The following CYP4F3 variants were observed in gnomAD, a reference collection of about 807,000 sequenced individuals.
CYP4F3 encodes cytochrome P450 4F3.
In CYP4F3, 50 loss-of-function variants were observed where a neutral mutation model predicts 54.8. That is an observed-to-expected ratio of 0.91 (90% CI 0.73 to 1.16). The LOEUF (loss-of-function observed/expected upper bound fraction) is 1.16. Ranked by LOEUF, CYP4F3 falls within the 50% of genes most tolerant of loss-of-function variation. CYP4F3 has a pLI of 0.00. For synonymous variants in CYP4F3, 244 were observed against 262.6 expected, an observed-to-expected ratio of 0.93 and a Z score of 0.69; for missense variants, 715 against 676.2, an observed-to-expected ratio of 1.06 and a Z score of -0.64.
Position 15,662,702 on chromosome 19 carries a change from G to A in CYP4F3, c.*3317G>A, listed in dbSNP as rs1397189331. Reference sequence around the variant, plus strand: ...TACCCCTGTATTTATTTGTTTTCTTGAATTTCTTTTATCATTGTTTTGTAG... The same window carrying A: ...TACCCCTGTATTTATTTGTTTTCTTAAATTTCTTTTATCATTGTTTTGTAG... On this transcript the variant is annotated 3_prime_UTR_variant, in exon 13 of 13. Transcript: ENST00000221307. 6.6e-6 allele frequency: 1 copy of A among 152,060 alleles called. No individual in the cohort carries two copies. The highest frequency in any genetic ancestry group is 1.5e-5 in the Non-Finnish European group (1 of 67,988). 9.4% of individuals were successfully genotyped at this position (152,060 alleles called of 1,614,324 possible). A position where few individuals can be genotyped will look rare whatever the true frequency, so the allele number is the denominator to read the frequency against.
chr19:15,644,592 T>TGAG (rs4019758), intron 2 of CYP4F3, among the ~76,000 whole-genome samples: 69,725 of 151,900 alleles, frequency 0.46, 17,275 homozygotes, highest in East Asian at 0.68. Flanking sequence ...GTTAGAACAA[T>TGAG]GAGGACTTGT....
intron 9 of CYP4F3, among the ~76,000 whole-genome samples, chr19:15,655,467 AT>A (rs1199648231): frequency 4.6e-5 from 7 of 152,196 alleles, no homozygotes; most frequent in African/African-American, 1.7e-4. Context: ...TAAAACCAAG[AT>A]TTCAAGCAAA....
At chr19:15,658,842 G>A (rs1163380945) in intron 12 of CYP4F3, 33 bp downstream of exon 12, 3 of 1,611,658 alleles carry the variant, frequency 1.9e-6, no homozygotes, top group Non-Finnish European at 2.5e-6. Flanking sequence ...GCGGGGACGG[G>A]GAGATAGGTG....
chr19:15,658,841 G>C, intron 12 of CYP4F3, 32 bp downstream of exon 12: 1 of 1,612,074 alleles, frequency 6.2e-7, no homozygotes, highest in Non-Finnish European at 8.5e-7. Context: ...GGCGGGGACG[G>C]GGAGATAGGT....
Position 15,645,784 on chromosome 19 carries a change from C to A in CYP4F3, c.264C>A (p.Cys88Ter). The change falls in exon 3 of 13, where the codon TGC becomes TGA. Residue 88 changes from cysteine (C) to a stop codon, truncating the protein, a stop_gained. Transcript: ENST00000221307. LOFTEE classifies it high-confidence loss of function. ...TGGCATGCACCTTCGGTGATATGTGCTGCTGGTGGGTGGGGCCCTGGCACG... is the reference window on the plus strand; with the variant it reads ...TGGCATGCACCTTCGGTGATATGTGATGCTGGTGGGTGGGGCCCTGGCACG... ...QSLACTFGDM[C>*]CWWVGPWHAI... The A allele has an allele frequency of 6.2e-7, 1 of 1,614,174 alleles. No homozygotes were observed. The highest frequency in any genetic ancestry group is 8.5e-7 in the Non-Finnish European group (1 of 1,179,992).
chr19:15,649,700 G>T (rs1445047613), intron 6 of CYP4F3, among the ~76,000 whole-genome samples: 1 of 152,124 alleles, frequency 6.6e-6, no homozygotes, highest in East Asian at 1.9e-4. Context: ...GTGCCTAGCT[G>T]CATGGAGGCA....
rs1568397470 is a variant in CYP4F3, at chr19:15,650,668, C to CTTTCTTTCTTTCTTTCTTTCTTTCTTT, written c.918+486_918+512dup. 8.7e-3 allele frequency among the ~76,000 whole-genome samples: 172 copies of CTTTCTTTCTTTCTTTCTTTCTTTCTTT among 19,872 alleles called. 9 individuals carry two copies. The highest frequency in any genetic ancestry group is 0.028 in the African/African-American group (82 of 2,952). The allele number at this position is 19,872 out of a possible 152,430, so 13.0% of individuals were successfully genotyped here. On this transcript the variant is annotated intron_variant, in intron 7 of 12. Transcript: ENST00000221307. Reference sequence around the variant, plus strand: ...CTCCCTCCCTGCCTTCTTTTTCTTTCTTTCTTTCTTTCTTTCTTTCTTTCT... The same window carrying CTTTCTTTCTTTCTTTCTTTCTTTCTTT: ...CTCCCTCCCTGCCTTCTTTTTCTTTCTTTCTTTCTTTCTTTCTTTCTTTCTTTTTTCTTTCTTTCTTTCTTTCTTTCT...
At chr19:15,643,324 A>G (rs1232517978) in intron 2 of CYP4F3, among the ~76,000 whole-genome samples, 2 of 143,614 alleles carry the variant, frequency 1.4e-5, no homozygotes, top group African/African-American at 5.3e-5. Flanking sequence ...TTAGATAGAT[A>G]GATAGATAGA....
At position 15,660,169 on chromosome 19, in the gene CYP4F3, T is replaced by C. The variant is rs1183141498; in HGVS notation, c.*784T>C. The C allele has an allele frequency of 6.6e-6, 1 of 151,982 alleles. No individual in the cohort carries two copies. Among genetic ancestry groups the C allele is most frequent in the Non-Finnish European group, 1.5e-5 (1 of 68,032 alleles). The allele number at this position is 151,982 out of a possible 1,614,324, so 9.4% of individuals were successfully genotyped here. On this transcript the variant is annotated 3_prime_UTR_variant, in exon 13 of 13. Transcript: ENST00000221307. Reference sequence around the variant, plus strand: ...TGTGCATGTTAAGTATTCAAATCAGTCTTAAATTTTTAAAAATATGTAATT... The same window carrying C: ...TGTGCATGTTAAGTATTCAAATCAGCCTTAAATTTTTAAAAATATGTAATT...
chr19:15,658,900 T>C lies in CYP4F3; in HGVS notation c.1397+91T>C, dbSNP rs1336475104. The stretch of plus-strand genomic sequence containing the variant: ...GGGAAAAGGGGGACATTGTAGACGG[T>C]CCGAGTTCCAGCTCTCCTTCCCTCA... On this transcript the variant is annotated intron_variant, in intron 12 of 12. Coordinates refer to ENST00000221307, the MANE Select transcript of CYP4F3 (RefSeq NM_000896.3). The C allele has an allele frequency of 9.4e-6, 14 of 1,497,064 alleles. No homozygotes were observed. The Admixed American group carries it at 1.6e-4, about 17-fold the overall frequency. 92.7% of individuals were successfully genotyped at this position (1,497,064 alleles called of 1,614,324 possible).
At position 15,660,265 on chromosome 19, in the gene CYP4F3, TATC is replaced by T. The variant is rs1973153429; in HGVS notation, c.*883_*885del. 6.6e-6 allele frequency: 1 copy of T among 152,232 alleles called. No homozygotes were observed. Among genetic ancestry groups the T allele is most frequent in the Non-Finnish European group, 1.5e-5 (1 of 68,042 alleles). The allele number at this position is 152,232 out of a possible 1,614,324, so 9.4% of individuals were successfully genotyped here. On this transcript the variant is annotated 3_prime_UTR_variant, in exon 13 of 13. Transcript: ENST00000221307. ...TTTCTGGCACTTTAATGGCTTGAGGTATCATTATCAGTTACAAATTGAGTTATT... is the reference window on the plus strand; with the variant it reads ...TTTCTGGCACTTTAATGGCTTGAGGTATTATCAGTTACAAATTGAGTTATT...
intron 7 of CYP4F3, among the ~76,000 whole-genome samples, chr19:15,651,840 T>C (rs1972865312): frequency 6.6e-6 from 1 of 152,192 alleles, no homozygotes; most frequent in Non-Finnish European, 1.5e-5. Flanking sequence ...TCTTTGTCTA[T>C]GTGTATGTCT....
intron 9 of CYP4F3, among the ~76,000 whole-genome samples, chr19:15,655,223 G>A (rs541697577): frequency 2.0e-5 from 3 of 152,016 alleles, no homozygotes; most frequent in East Asian, 1.9e-4. Context: ...TCAGATATTT[G>A]GTTACTTTTC....
rs1197787949 is a variant in CYP4F3 at position 15,660,906 on chromosome 19, G to A, written c.*1521G>A. 2 of 151,930 alleles carry A rather than the reference G, an allele frequency of 1.3e-5. No individual in the cohort carries two copies. The highest frequency in any genetic ancestry group is 6.6e-5 in the Admixed American group (1 of 15,256). 9.4% of individuals were successfully genotyped at this position (151,930 alleles called of 1,614,324 possible). On this transcript the variant is annotated 3_prime_UTR_variant, in exon 13 of 13. Transcript: ENST00000221307. Reference sequence around the variant, plus strand: ...TAATTGTTGTATTTTTAATAGAGGCGGGGTTTCGCCATGTTGCACTGGCTG... The same window carrying A: ...TAATTGTTGTATTTTTAATAGAGGCAGGGTTTCGCCATGTTGCACTGGCTG...
intron 7 of CYP4F3, among the ~76,000 whole-genome samples, chr19:15,651,978 C>T (rs1330157042): frequency 2.0e-5 from 3 of 152,056 alleles, no homozygotes; most frequent in East Asian, 1.9e-4. Context: ...AAGGGCAATG[C>T]GATGTTTTCC....
chr19:15,656,670 A>C (rs1311431593), intron 9 of CYP4F3, among the ~76,000 whole-genome samples: 1 of 151,834 alleles, frequency 6.6e-6, no homozygotes, highest in Non-Finnish European at 1.5e-5. Context: ...ATCATCTATT[A>C]TCTATCTCTC....
intron 7 of CYP4F3, among the ~76,000 whole-genome samples, chr19:15,651,979 G>A (rs144472197): frequency 2.3e-3 from 352 of 152,234 alleles, no homozygotes; most frequent in African/African-American, 7.5e-3. Context: ...AGGGCAATGC[G>A]ATGTTTTCCC....
At chr19:15,649,416 G>C (rs1160151169) in intron 6 of CYP4F3, 135 bp downstream of exon 6, 1 of 1,437,396 alleles carries the variant, frequency 7.0e-7, no homozygotes. Flanking sequence ...TGAAGGACTG[G>C]TATGAATTTT....
chr19:15,649,469 TG>T (rs1972723868), intron 6 of CYP4F3, among the ~76,000 whole-genome samples, 188 bp downstream of exon 6: 1 of 151,966 alleles, frequency 6.6e-6, no homozygotes, highest in African/African-American at 2.4e-5. Context: ...TTTGAACTGG[TG>T]GGTGTGGTCA....
Sources: gnomAD v4.1 joint callset for allele counts (sites outside exome capture counted in the v4.1 genomes callset) on GRCh38, gnomAD v4.1.1 for gene constraint, MANE v1.5 for transcripts, NCBI Gene and HGNC (gene_info 2026-07-23, HGNC 2026-07-21) for gene names.